ULK2: variants seen among roughly 807,000 people sequenced by gnomAD.
ULK2 encodes serine/threonine-protein kinase ULK2.
In ULK2, 76 loss-of-function variants were observed where a neutral mutation model predicts 127.5. The observed-to-expected ratio is 0.60, with a 90% confidence interval of 0.50 to 0.72. The LOEUF (loss-of-function observed/expected upper bound fraction) is 0.72. Among genes scored for constraint, ULK2 ranks in the 30% least tolerant of loss-of-function variants. The pLI is 0.00. For missense variants in ULK2, 1,144 were observed against 1,295.9 expected, an observed-to-expected ratio of 0.88 and a Z score of 1.80; for synonymous variants, 452 against 461.9, an observed-to-expected ratio of 0.98 and a Z score of 0.28.
Position 19,846,740 on chromosome 17 carries a change from T to C in ULK2, c.466A>G (p.Ile156Val). Reference sequence around the variant, plus strand: ...GACACAATACATGGCCATTTACCTATTTTGATGCGAATACCACTGACACTT... The same window carrying C: ...GACACAATACATGGCCATTTACCTACTTTGATGCGAATACCACTGACACTT... Reference protein sequence around the residue: ...KSSVSGIRIKIADFGFARYLH... With the variant: ...KSSVSGIRIKVADFGFARYLH... The change falls in exon 6 of 27, where the codon ATA becomes GTA. Residue 156 changes from isoleucine (I) to valine (V), a missense_variant. Ile to Val is a conservative substitution (Grantham distance 29, BLOSUM62 3). Transcript: ENST00000395544. 1 of 1,605,110 alleles carries C rather than the reference T, an allele frequency of 6.2e-7. No homozygotes were observed. The highest frequency in any genetic ancestry group is 8.5e-7 in the Non-Finnish European group (1 of 1,176,178).
Position 19,846,754 on chromosome 17 carries a change from C to T in ULK2, c.452G>A (p.Gly151Asp), listed in dbSNP as rs1597805438. 6.2e-7 allele frequency: 1 copy of T among 1,610,220 alleles called. No homozygotes were observed. Residue 151 changes from glycine (G) to aspartate (D), a missense_variant, in exon 6 of 27, where the codon GGT becomes GAT. This residue lies in a region of ULK2 where 231 missense variants were observed against 325.4 expected (regional missense o/e 0.71). Coordinates refer to ENST00000395544, the MANE Select transcript of ULK2 (RefSeq NM_014683.4). Reference sequence around the variant, plus strand: ...CCATTTACCTATTTTGATGCGAATACCACTGACACTTGATTTTCTGCGATT... The same window carrying T: ...CCATTTACCTATTTTGATGCGAATATCACTGACACTTGATTTTCTGCGATT... ...YANRRKSSVS[G>D]IRIKIADFGF...
chr17:19,862,564 C>T (rs895113341), intron 3 of ULK2, among the ~76,000 whole-genome samples: 2 of 151,774 alleles, frequency 1.3e-5, no homozygotes, highest in African/African-American at 4.8e-5. Flanking sequence ...CTCCTGGGCT[C>T]AAGCAATTCT....
At chr17:19,821,752 T>C (rs1340408533) in intron 12 of ULK2, among the ~76,000 whole-genome samples, 1 of 152,186 alleles carries the variant, frequency 6.6e-6, no homozygotes, top group Non-Finnish European at 1.5e-5. Flanking sequence ...TATTGGTTGG[T>C]TGGTTTTTGA....
At chr17:19,820,133 C>G (rs1161306083) in intron 12 of ULK2, among the ~76,000 whole-genome samples, 1 of 151,578 alleles carries the variant, frequency 6.6e-6, no homozygotes, top group Non-Finnish European at 1.5e-5. Context: ...ACTGCAACCT[C>G]CGCCTCCCGG....
intron 1 of ULK2, 75 bp from the exon 2 acceptor site, chr17:19,865,903 G>A (rs928927280): frequency 1.1e-5 from 9 of 851,992 alleles, no homozygotes; most frequent in Non-Finnish European, 1.6e-5. Flanking sequence ...AAGCGCGAAG[G>A]TGTTTTTGGC....
intron 1 of ULK2, among the ~76,000 whole-genome samples, chr17:19,866,199 A>C (rs190419624): frequency 6.6e-6 from 1 of 152,288 alleles, no homozygotes; most frequent in East Asian, 1.9e-4. Context: ...TATTTTCCTA[A>C]TAAATGAAAA....
rs78584110 is a variant in ULK2, at chr17:19,805,838, A to G, written c.1158-1008T>C. 3.3e-5 allele frequency among the ~76,000 whole-genome samples: 5 copies of G among 152,332 alleles called. No homozygotes were observed. The East Asian group carries it at 9.6e-4, about 29-fold the overall frequency. ...ACAGAAACTAAGGAAACAACTGTTT[A>G]TCGTGACTTTTCTGCATGAGAGAAA... is the stretch of plus-strand genomic sequence containing the variant. On this transcript the variant is annotated intron_variant, in intron 14 of 26. Coordinates refer to ENST00000395544, the MANE Select transcript of ULK2 (RefSeq NM_014683.4).
At chr17:19,819,820 C>T (rs1348718678) in intron 12 of ULK2, among the ~76,000 whole-genome samples, 2 of 152,040 alleles carry the variant, frequency 1.3e-5, no homozygotes, top group Non-Finnish European at 2.9e-5. Context: ...TCCTTACTGC[C>T]GCCTTAGTTC....
intron 9 of ULK2, among the ~76,000 whole-genome samples, chr17:19,839,161 G>A (rs2041673675): frequency 1.3e-5 from 2 of 152,138 alleles, no homozygotes; most frequent in South Asian, 4.1e-4. Context: ...AAAGCCCAAT[G>A]TTGACTTTTA....
intron 12 of ULK2, among the ~76,000 whole-genome samples, chr17:19,823,825 T>C (rs1222749723): frequency 1.3e-5 from 2 of 152,178 alleles, no homozygotes; most frequent in African/African-American, 2.4e-5. Context: ...TAATCTGCTT[T>C]ATCTATTTGG....
Position 19,816,914 on chromosome 17 carries a change from G to C in ULK2, c.931C>G (p.Pro311Ala). 1.2e-6 allele frequency: 2 copies of C among 1,602,374 alleles called. No homozygotes were observed. The highest frequency in any genetic ancestry group is 1.7e-6 in the Non-Finnish European group (2 of 1,176,494). Reference sequence around the variant, plus strand: ...TCTTCCTGAATATGCTGCATATCTGGAAGGGACTAAAATTAACAACATAAA... The same window carrying C: ...TCTTCCTGAATATGCTGCATATCTGCAAGGGACTAAAATTAACAACATAAA... The part of the protein sequence containing the change: ...SCRFASPPSL[P>A]DMQHIQEENL... The change falls in exon 13 of 27, where the codon CCA (proline) becomes GCA (alanine). Residue 311 changes from proline (P) to alanine (A), a missense_variant. This residue lies in a region of ULK2 where 913 missense variants were observed against 970.5 expected (regional missense o/e 0.94). Coordinates refer to ENST00000395544, the MANE Select transcript of ULK2 (RefSeq NM_014683.4).
Position 19,795,651 on chromosome 17 carries a change from C to G in ULK2, c.2072G>C (p.Ser691Thr). ...ATCCATTGGTCGTTCTGTATTTAAA[C>G]TGTCTGTGCTGCCCTGATGTCGACA... The part of the protein sequence containing the change: ...PICRHQGSTD[S>T]LNTERPMDIA... Residue 691 changes from serine (S) to threonine (T), a missense_variant, in exon 20 of 27, where the codon AGT (serine) becomes ACT (threonine). By Grantham distance (58) the Ser-to-Thr change is moderately conservative (BLOSUM62 1). Around this residue, in one of 2 missense-constraint regions of ULK2, gnomAD observed 913 missense variants for 970.5 expected, o/e 0.94. Transcript: ENST00000395544. 1.2e-6 allele frequency: 2 copies of G among 1,614,134 alleles called. No homozygotes were observed. The highest frequency in any genetic ancestry group is 1.7e-6 in the Non-Finnish European group (2 of 1,180,002).
intron 13 of ULK2, among the ~76,000 whole-genome samples, chr17:19,811,596 C>G (rs1445629774): frequency 6.6e-6 from 1 of 151,994 alleles, no homozygotes; most frequent in African/African-American, 2.4e-5. Flanking sequence ...TGTGTGCCAC[C>G]ACACCCAGCT....
chr17:19,857,375 T>C (rs577713872), intron 3 of ULK2, among the ~76,000 whole-genome samples: 2 of 152,260 alleles, frequency 1.3e-5, no homozygotes, highest in South Asian at 2.1e-4. Context: ...CTTCTGAGTT[T>C]CTTATCTTGA....
intron 9 of ULK2, among the ~76,000 whole-genome samples, chr17:19,840,686 G>A (rs2152396782): frequency 6.6e-6 from 1 of 150,410 alleles, no homozygotes; most frequent in Admixed American, 6.6e-5. Flanking sequence ...AGACCAGCCT[G>A]GCCAACATGG....
At chr17:19,783,437 G>T (rs1276757818) in intron 22 of ULK2, among the ~76,000 whole-genome samples, 1 of 151,972 alleles carries the variant, frequency 6.6e-6, no homozygotes, top group Admixed American at 6.6e-5. Context: ...GGGTGACAGA[G>T]CAAGACTCTG....
intron 12 of ULK2, among the ~76,000 whole-genome samples, chr17:19,818,014 C>T (rs1026997508): frequency 5.9e-5 from 9 of 152,090 alleles, no homozygotes; most frequent in Non-Finnish European, 1.2e-4. Context: ...AAGAGCTTTC[C>T]GGCAGGGTGT....
intron 3 of ULK2, among the ~76,000 whole-genome samples, chr17:19,856,578 T>TCA (rs1033694668): frequency 6.6e-6 from 1 of 151,084 alleles, no homozygotes; most frequent in African/African-American, 2.4e-5. Flanking sequence ...CGAGACTCCG[T>TCA]CACACACACA....
chr17:19,830,003 C>T (rs2041399149), intron 10 of ULK2, among the ~76,000 whole-genome samples: 1 of 152,010 alleles, frequency 6.6e-6, no homozygotes, highest in Non-Finnish European at 1.5e-5. Flanking sequence ...CAATATCCCA[C>T]CTTCAGTAAT....
Sources: gnomAD v4.1 joint callset for allele counts (sites outside exome capture counted in the v4.1 genomes callset) on GRCh38, gnomAD v4.1.1 for gene constraint, gnomAD v4.1.1 regional missense constraint, MANE v1.5 for transcripts, NCBI Gene and HGNC (gene_info 2026-07-23, HGNC 2026-07-21) for gene names.